Variants in AASDHPPT observed in about 807,000 individuals in gnomAD.
AASDHPPT encodes the protein L-aminoadipate-semialdehyde dehydrogenase-phosphopantetheinyl transferase.
A neutral mutation model predicts 36.4 loss-of-function variants in AASDHPPT; 23 were observed. That is an observed-to-expected ratio of 0.63 (90% CI 0.45 to 0.89). The LOEUF (loss-of-function observed/expected upper bound fraction) is 0.89. Among genes scored for constraint, AASDHPPT ranks in the 40% least tolerant of loss-of-function variants. AASDHPPT has a pLI of 0.00. For missense variants in AASDHPPT, 377 were observed against 378.2 expected, an observed-to-expected ratio of 1.00 and a Z score of 0.03; for synonymous variants, 115 against 128.0, an observed-to-expected ratio of 0.90 and a Z score of 0.68.
rs1012338738 is a variant in AASDHPPT at position 106,091,442 on chromosome 11, C to G, written c.658C>G (p.Leu220Val). ...GQVYKETRLFLDGEEEKEWAF... is the reference protein window; with the variant it reads ...GQVYKETRLFVDGEEEKEWAF... ...AGTTTATAAAGAAACACGTTTATTC[C>G]TGGATGGAGAGGAAGAAAAAGAATG... Residue 220 changes from leucine to valine, a missense_variant, in exon 4 of 6, where the codon CTG (leucine) becomes GTG (valine). By Grantham distance (32) the Leu-to-Val change is conservative. Transcript: ENST00000278618. 4.4e-6 allele frequency: 7 copies of G among 1,589,934 alleles called. No individual in the cohort carries two copies. Among genetic ancestry groups the G allele is most frequent in the African/African-American group, 1.4e-5 (1 of 73,098 alleles).
intron 4 of AASDHPPT, 137 bp from the exon 5 acceptor site, chr11:106,094,446 A>G (rs1449547937): frequency 1.9e-6 from 1 of 539,610 alleles, no homozygotes; most frequent in African/African-American, 2.0e-5. Flanking sequence ...GGGGAAATAT[A>G]TATATGCACG....
Position 106,098,253 on chromosome 11 carries a change from T to A in AASDHPPT, c.*1346T>A, listed in dbSNP as rs1360623642. The A allele has an allele frequency of 6.6e-6, 1 of 152,166 alleles. No individual in the cohort carries two copies. The highest frequency in any genetic ancestry group is 1.5e-5 in the Non-Finnish European group (1 of 67,986). 9.4% of individuals were successfully genotyped at this position (152,166 alleles called of 1,614,324 possible). ...TCAGTATTGTTATTGGCTTTTCGTA[T>A]TCCTCTTAACGTGAACCGTCTGTTC... is the stretch of plus-strand genomic sequence containing the variant. On this transcript the variant is annotated 3_prime_UTR_variant, in exon 6 of 6. Coordinates refer to ENST00000278618, the MANE Select transcript of AASDHPPT (RefSeq NM_015423.3).
intron 2 of AASDHPPT, chr11:106,085,921 A>T (rs371217980): frequency 2.6e-5 from 4 of 152,210 alleles, no homozygotes; most frequent in South Asian, 2.1e-4. Context: ...TATAATTTTG[A>T]TGCTCAAAAA....
rs1445982321 is a variant in AASDHPPT, at chr11:106,097,185, A to G, written c.*278A>G. 5 of 260,600 alleles carry G rather than the reference A, an allele frequency of 1.9e-5. No homozygotes were observed. The South Asian group carries it at 3.6e-4, about 19-fold the overall frequency. 16.1% of individuals were successfully genotyped at this position (260,600 alleles called of 1,614,324 possible). On this transcript the variant is annotated 3_prime_UTR_variant, in exon 6 of 6. Transcript: ENST00000278618. ...CTGTAGAAAAAAATAGAAAATGCAC[A>G]TAAGCAAAAGGAAACATTTAAATGC...
At chr11:106,086,702 C>T (rs1861201752) in intron 2 of AASDHPPT, among the ~76,000 whole-genome samples, 1 of 152,078 alleles carries the variant, frequency 6.6e-6, no homozygotes, top group Non-Finnish European at 1.5e-5. Context: ...TCATCTAAAT[C>T]AGCTATGTGT....
Position 106,094,582 on chromosome 11 carries a change from G to A in AASDHPPT, c.694-1G>A. On this transcript the variant is annotated splice_acceptor_variant, in intron 4 of 5. Coordinates refer to ENST00000278618, the MANE Select transcript of AASDHPPT (RefSeq NM_015423.3). LOFTEE classifies it high-confidence loss of function. ...ATATTTATTTACCTTTTATCTTTCA[G>A]GAAAGCAAAATAGATGAGCACCATT... The A allele has an allele frequency of 6.2e-7, 1 of 1,600,546 alleles. No individual in the cohort carries two copies. Among genetic ancestry groups the A allele is most frequent in the South Asian group, 1.1e-5 (1 of 88,086 alleles).
intron 5 of AASDHPPT, among the ~76,000 whole-genome samples, chr11:106,095,566 T>C (rs1861304539): frequency 6.6e-6 from 1 of 152,184 alleles, no homozygotes; most frequent in Non-Finnish European, 1.5e-5. Context: ...GCAGAAGTAT[T>C]TATTTAAGGA....
intron 2 of AASDHPPT, among the ~76,000 whole-genome samples, chr11:106,082,676 C>G (rs570205899): frequency 6.6e-6 from 1 of 152,256 alleles, no homozygotes; most frequent in Non-Finnish European, 1.5e-5. Flanking sequence ...CCAACTGTTG[C>G]TGTGGACGTG....
intron 3 of AASDHPPT, among the ~76,000 whole-genome samples, chr11:106,091,048 A>G (rs1282914135): frequency 6.6e-6 from 1 of 152,108 alleles, no homozygotes; most frequent in Non-Finnish European, 1.5e-5. Flanking sequence ...AGTTAATTTA[A>G]TGTACATAAC....
At chr11:106,078,298 A>G (rs887608181) in intron 1 of AASDHPPT, among the ~76,000 whole-genome samples, 16 of 152,002 alleles carry the variant, frequency 1.1e-4, no homozygotes, top group Admixed American at 2.0e-4. Flanking sequence ...TAAATATCCC[A>G]TCATTCTCCA....
At chr11:106,090,958 C>G (rs946545175) in intron 3 of AASDHPPT, among the ~76,000 whole-genome samples, 1 of 151,990 alleles carries the variant, frequency 6.6e-6, no homozygotes, top group Non-Finnish European at 1.5e-5. Context: ...CATAAAGGAA[C>G]TAATACACAT....
At chr11:106,079,405 TAC>T (rs1161246873) in intron 1 of AASDHPPT, 60 bp from the exon 2 acceptor site, 19 of 1,385,060 alleles carry the variant, frequency 1.4e-5, no homozygotes, top group East Asian at 1.3e-4. Flanking sequence ...TACTATTGCA[TAC>T]AGTGTGCTTG....
Position 106,089,993 on chromosome 11 carries a change from G to GGTAA in AASDHPPT, c.410-561_410-560insAGTA, listed in dbSNP as rs201868654. On this transcript the variant is annotated intron_variant, in intron 2 of 5. Coordinates refer to ENST00000278618, the MANE Select transcript of AASDHPPT (RefSeq NM_015423.3). ...ACAAGTTGGAAAACATTTTGAAGAA[G>GGTAA]GTATTAATTTTTTAGCCGTGGCAAT... 7.7e-3 allele frequency among the ~76,000 whole-genome samples: 1,169 copies of GGTAA among 152,004 alleles called. 20 individuals are homozygous for GGTAA. The highest frequency in any genetic ancestry group is 0.026 in the African/African-American group (1,100 of 41,516).
chr11:106,096,488 G>C, intron 5 of AASDHPPT: 1 of 279,148 alleles, frequency 3.6e-6, no homozygotes, highest in Non-Finnish European at 6.6e-6. Flanking sequence ...GTGGGGCCCA[G>C]TAAATCTACA....
intron 2 of AASDHPPT, among the ~76,000 whole-genome samples, chr11:106,083,575 C>T (rs1316530715): frequency 6.6e-6 from 1 of 152,086 alleles, no homozygotes; most frequent in Non-Finnish European, 1.5e-5. Flanking sequence ...GTTTCAAAAA[C>T]TTGTGTTAGT....
rs757031427 is a variant in AASDHPPT, at chr11:106,077,791, G to A, written c.81G>A (p.Leu27=). 21 of 1,614,036 alleles carry A rather than the reference G, an allele frequency of 1.3e-5. No individual in the cohort carries two copies. The East Asian group carries it at 4.2e-4, about 33-fold the overall frequency. The change falls in exon 1 of 6, where the codon CTG becomes CTA. Residue 27 remains leucine, a synonymous_variant. Coordinates refer to ENST00000278618, the MANE Select transcript of AASDHPPT (RefSeq NM_015423.3). Reference sequence around the variant, plus strand: ...GGGCCTTTTCCTGCGGCACTTGGCTGCCGAGCCGAGCCGAATGGCTGCTGG... The same window carrying A: ...GGGCCTTTTCCTGCGGCACTTGGCTACCGAGCCGAGCCGAATGGCTGCTGG... The part of the protein sequence containing the change: ...VRWAFSCGTW[L]PSRAEWLLAV...
chr11:106,086,038 T>A (rs1565411016), intron 2 of AASDHPPT: 1 of 152,238 alleles, frequency 6.6e-6, no homozygotes, highest in Non-Finnish European at 1.5e-5. Context: ...TGCAGGGACA[T>A]AGAATTAAAA....
intron 2 of AASDHPPT, among the ~76,000 whole-genome samples, chr11:106,082,510 T>TG (rs1861154666): frequency 6.6e-6 from 1 of 152,174 alleles, no homozygotes; most frequent in Non-Finnish European, 1.5e-5. Flanking sequence ...AGTTGGCTTT[T>TG]GGGGGTTATC....
In AASDHPPT at chr11:106,077,863, C is replaced by T. The variant is rs774550276; in HGVS notation, c.153C>T (p.Phe51=). 9.9e-6 allele frequency: 16 copies of T among 1,614,044 alleles called. No homozygotes were observed. The highest frequency in any genetic ancestry group is 1.7e-5 in the Admixed American group (1 of 60,012). Residue 51 remains phenylalanine, a synonymous_variant, in exon 1 of 6, where the codon TTC becomes TTT. Coordinates refer to ENST00000278618, the MANE Select transcript of AASDHPPT (RefSeq NM_015423.3). ...QPEEKERIGQ[F]VFARDAKAAM... is the part of the protein sequence containing the mutation. ...AGGAGAAGGAGCGCATTGGCCAGTT[C>T]GTCTTTGCCCGGGACGCTAAGGCAG...
Sources: gnomAD v4.1 joint callset for allele counts (sites outside exome capture counted in the v4.1 genomes callset) on GRCh38, gnomAD v4.1.1 for gene constraint, MANE v1.5 for transcripts, NCBI Gene and HGNC (gene_info 2026-07-23, HGNC 2026-07-21) for gene names.